SOX6: variants seen among roughly 807,000 people sequenced by gnomAD.
SOX6 encodes the protein transcription factor SOX-6.
In SOX6, 11 loss-of-function variants were observed where a neutral mutation model predicts 97.8. The observed-to-expected ratio is 0.11, with a 90% CI of 0.07 to 0.19. The LOEUF is 0.19. Ranked by LOEUF, SOX6 falls within the 10% of genes least tolerant of loss-of-function variation. The pLI is 1.00. For missense variants in SOX6, 810 were observed against 1,039.5 expected (o/e 0.78, Z 3.04); for synonymous variants, 360 against 371.4 (o/e 0.97, Z 0.35).
rs531890489 is a variant in SOX6 at position 16,036,805 on chromosome 11, T to A, written c.1623+9709A>T. Among the ~76,000 whole-genome samples, 8 of 152,224 alleles carry A rather than the reference T, an allele frequency of 5.3e-5. No individual in the cohort carries two copies. In the East Asian group the frequency reaches 1.5e-3, roughly 29 times the overall value. On this transcript the variant is annotated intron_variant, in intron 12 of 15. Transcript: ENST00000683767. ...GCAGGCACACAGTAAAACAACACAGTGTGTTTTCAAGTGATCGCGTATGCT... is the reference window on the plus strand; with the variant it reads ...GCAGGCACACAGTAAAACAACACAGAGTGTTTTCAAGTGATCGCGTATGCT...
At chr11:16,696,303 C>G (rs1305446268) in intron 3 of SOX6, among the ~76,000 whole-genome samples, 1 of 152,138 alleles carries the variant, frequency 6.6e-6, no homozygotes, top group African/African-American at 2.4e-5. Flanking sequence ...GATATATAAC[C>G]TTGAATGTGT....
intron 4 of SOX6, among the ~76,000 whole-genome samples, chr11:16,488,770 T>G (rs183763875): frequency 1.4e-4 from 21 of 152,324 alleles, no homozygotes; most frequent in Non-Finnish European, 1.5e-4. Flanking sequence ...GAGATCCTGC[T>G]TATCATTTTA....
Position 16,591,278 on chromosome 11 carries a change from GT to G in SOX6, n.609+20802del, listed in dbSNP as rs200514948. Among the ~76,000 whole-genome samples the G allele has an allele frequency of 7.9e-3, 1,193 of 151,650 alleles. 14 individuals carry two copies. Among genetic ancestry groups the G allele is most frequent in the African/African-American group, 0.028 (1,140 of 41,400 alleles). On this transcript the variant is annotated intron_variant and non_coding_transcript_variant, in intron 4 of 5. Transcript: ENST00000524520. ...CATGTGATGACAAGAAGCTGTGAGTGTGTGTTACCAAACACATAGATTAGAT... is the reference window on the plus strand; with the variant it reads ...CATGTGATGACAAGAAGCTGTGAGTGGTGTTACCAAACACATAGATTAGAT...
At chr11:16,640,968 T>C (rs934861877) in intron 3 of SOX6, among the ~76,000 whole-genome samples, 3 of 152,104 alleles carry the variant, frequency 2.0e-5, no homozygotes, top group South Asian at 2.1e-4. Context: ...AATTTGTTTG[T>C]TCTTGCTTCT....
intron 2 of SOX6, among the ~76,000 whole-genome samples, chr11:16,727,788 T>A (rs925884870): frequency 4.6e-5 from 7 of 152,080 alleles, no homozygotes; most frequent in Non-Finnish European, 1.0e-4. Flanking sequence ...TTAGGGGAAA[T>A]TTTATTCAAA....
Position 16,656,852 on chromosome 11 carries a change from G to A in SOX6, n.430-44592C>T, listed in dbSNP as rs1002632868. On this transcript the variant is annotated intron_variant and non_coding_transcript_variant, in intron 3 of 5. Transcript: ENST00000524520. ...TAGGTTTACAGAAAATTGGTCAGAC[G>A]AGAAAGAAAGTTCTCATATATCTCA... Among the ~76,000 whole-genome samples the A allele has an allele frequency of 3.9e-5, 6 of 151,996 alleles. 1 individual carries two copies. The highest frequency in any genetic ancestry group is 6.6e-5 in the Admixed American group (1 of 15,254).
At chr11:16,585,681 CTT>C (rs35531411) in intron 4 of SOX6, among the ~76,000 whole-genome samples, 53 of 108,326 alleles carry the variant, frequency 4.9e-4, no homozygotes, top group Middle Eastern at 5.6e-3. Flanking sequence ...TTTTTTTTTA[CTT>C]TTTTTTTTTT....
intron 13 of SOX6, among the ~76,000 whole-genome samples, chr11:15,990,354 T>C (rs1053570107): frequency 1.3e-5 from 2 of 151,982 alleles, no homozygotes; most frequent in African/African-American, 2.4e-5. Context: ...ATTTTTCTGT[T>C]GTTTAAGGGT....
chr11:16,195,594 A>T (rs7949999), intron 4 of SOX6, among the ~76,000 whole-genome samples: 3,888 of 152,308 alleles, frequency 0.026, 169 homozygotes, highest in African/African-American at 0.088. Context: ...ATGTGAAAAC[A>T]GATCTTGACA....
chr11:16,017,274 A>T (rs1854914865), intron 12 of SOX6, among the ~76,000 whole-genome samples: 1 of 152,120 alleles, frequency 6.6e-6, no homozygotes, highest in Non-Finnish European at 1.5e-5. Flanking sequence ...ATTGAAAAAA[A>T]AATCTTCTGC....
At chr11:16,648,503 A>G (rs1360305262) in intron 3 of SOX6, among the ~76,000 whole-genome samples, 1 of 152,188 alleles carries the variant, frequency 6.6e-6, no homozygotes, top group Non-Finnish European at 1.5e-5. Context: ...GGGCAAGCTT[A>G]GAGCCCCCTA....
chr11:16,127,111 A>G (rs1444148350), intron 6 of SOX6, among the ~76,000 whole-genome samples: 1 of 152,108 alleles, frequency 6.6e-6, no homozygotes, highest in Non-Finnish European at 1.5e-5. Context: ...CTTGATGAAA[A>G]AATAGCTTTG....
intron 4 of SOX6, among the ~76,000 whole-genome samples, chr11:16,224,834 G>C (rs1852637182): frequency 6.6e-6 from 1 of 151,944 alleles, no homozygotes; most frequent in Non-Finnish European, 1.5e-5. Flanking sequence ...GGAATATTAA[G>C]TTTCCACCTT....
chr11:16,250,365 T>C (rs1301064041), intron 3 of SOX6, among the ~76,000 whole-genome samples: 1 of 152,090 alleles, frequency 6.6e-6, no homozygotes, highest in Non-Finnish European at 1.5e-5. Flanking sequence ...AACCATAAGC[T>C]TAAAACCTAG....
chr11:16,149,710 T>TGGG (rs1850410176), intron 6 of SOX6, among the ~76,000 whole-genome samples: 1 of 152,226 alleles, frequency 6.6e-6, no homozygotes, highest in African/African-American at 2.4e-5. Flanking sequence ...TCATCAAGTT[T>TGGG]AAATATGTTC....
chr11:16,085,018 A>G (rs1319763455), intron 9 of SOX6, among the ~76,000 whole-genome samples: 2 of 152,280 alleles, frequency 1.3e-5, no homozygotes, highest in African/African-American at 4.8e-5. Context: ...GTCTTCTACT[A>G]TTTCAACAAA....
intron 4 of SOX6, among the ~76,000 whole-genome samples, chr11:16,507,056 T>G (rs906960358): frequency 4.6e-5 from 7 of 151,926 alleles, no homozygotes; most frequent in Non-Finnish European, 8.8e-5. Flanking sequence ...GGAGAGAAAC[T>G]CTGTCTCAAA....
chr11:16,173,482 T>C (rs191486755), intron 6 of SOX6, among the ~76,000 whole-genome samples: 5 of 152,028 alleles, frequency 3.3e-5, no homozygotes, highest in Admixed American at 1.3e-4. Context: ...ATACACTCTA[T>C]ATATCAAGTG....
At chr11:16,109,336 G>A (rs1446548058) in intron 7 of SOX6, among the ~76,000 whole-genome samples, 1 of 152,110 alleles carries the variant, frequency 6.6e-6, no homozygotes, top group East Asian at 1.9e-4. Context: ...GGGTAGCTAG[G>A]ACTACAGGTG....
Sources: gnomAD v4.1 joint callset for allele counts (sites outside exome capture counted in the v4.1 genomes callset) on GRCh38, gnomAD v4.1.1 for gene constraint, MANE v1.5 for transcripts, NCBI Gene and HGNC (gene_info 2026-07-23, HGNC 2026-07-21) for gene names.